Variants in P2RX5 observed in about 807,000 individuals in gnomAD.
The protein encoded by P2RX5 is P2X purinoceptor 5.
P2RX5 carries 46 observed loss-of-function variants against 54.1 expected under a neutral mutation model. That is an observed-to-expected ratio of 0.85 (90% confidence interval 0.67 to 1.09). P2RX5 has a LOEUF of 1.09. Among genes scored for constraint, P2RX5 ranks in the 50% least tolerant of loss-of-function variants. The probability of loss-of-function intolerance (pLI) is 0.00; values close to 1 mark genes in which losing one functional copy is unlikely to be tolerated. For synonymous variants in P2RX5, 226 were observed against 226.4 expected, an observed-to-expected ratio of 1.00 and a Z score of 0.02; for missense variants, 566 against 549.8, an observed-to-expected ratio of 1.03 and a Z score of -0.29.
the P2RX5 span, chr17:3,722,362 T>A: frequency 3.4e-5 from 5 of 149,126 alleles, no homozygotes; most frequent in African/African-American, 1.2e-4. Context: ...GCGCCTGTAA[T>A]CCCAGCTACT....
chr17:3,708,558 A>T, the P2RX5 span, among the ~76,000 whole-genome samples: 1 of 152,212 alleles, frequency 6.6e-6, no homozygotes. Flanking sequence ...TAAGCAAACA[A>T]ATTAAGTAAA....
At chr17:3,714,614 ATTAAAGGCAC>A in the P2RX5 span, 1 of 404,526 alleles carries the variant, frequency 2.5e-6, no homozygotes, top group Non-Finnish European at 4.4e-6. Flanking sequence ...GTATTTCCAG[ATTAAAGGCAC>A]TACTGCAAAG....
At chr17:3,689,871 C>CGT (rs1220272152) in intron 6 of P2RX5, among the ~76,000 whole-genome samples, 199 bp downstream of exon 6, 2 of 152,094 alleles carry the variant, frequency 1.3e-5, no homozygotes, top group African/African-American at 4.8e-5. Flanking sequence ...CGCACACACG[C>CGT]GAACACACGC....
chr17:3,679,217 C>T (rs1199346961), intron 11 of P2RX5, among the ~76,000 whole-genome samples: 1 of 152,224 alleles, frequency 6.6e-6, no homozygotes, highest in Non-Finnish European at 1.5e-5. Flanking sequence ...TCAGCTTCCT[C>T]ATTTGTAAAA....
intron 11 of P2RX5, chr17:3,676,153 C>T (rs1259369304): frequency 3.7e-5 from 36 of 985,350 alleles, no homozygotes; most frequent in Non-Finnish European, 4.0e-5. Flanking sequence ...CGGGCAATGG[C>T]GAGGGCTGAG....
At chr17:3,685,483 G>GT (rs2050418669) in intron 9 of P2RX5, 1 of 154,180 alleles carries the variant, frequency 6.5e-6, no homozygotes, top group African/African-American at 2.4e-5. Context: ...CGGGGAGAGG[G>GT]TGGGACGCGG....
the P2RX5 span, among the ~76,000 whole-genome samples, chr17:3,704,872 G>T: frequency 1.3e-5 from 2 of 152,308 alleles, no homozygotes; most frequent in South Asian, 4.2e-4. Flanking sequence ...TGGGTGTGAT[G>T]ATGCGTGCCT....
At chr17:3,714,717 G>C in the P2RX5 span, 1 of 574,014 alleles carries the variant, frequency 1.7e-6, no homozygotes, top group Non-Finnish European at 3.1e-6. Flanking sequence ...ACAATGTATG[G>C]TTAAAAACTA....
chr17:3,723,621 C>T, the P2RX5 span: 1 of 1,453,336 alleles, frequency 6.9e-7, no homozygotes, highest in Non-Finnish European at 9.3e-7. Flanking sequence ...AAAACAGTCT[C>T]CTGGCCTCTC....
chr17:3,711,367 A>ATTTTTTTTTTTTTTTTTTTT, the P2RX5 span, among the ~76,000 whole-genome samples: 1 of 88,150 alleles, frequency 1.1e-5, no homozygotes, highest in Non-Finnish European at 2.1e-5. Context: ...CCCAGCACTC[A>ATTTTTTTTTTTTTTTTTTTT]TTCTTTTTTT....
At chr17:3,710,740 C>T in the P2RX5 span, among the ~76,000 whole-genome samples, 1 of 151,728 alleles carries the variant, frequency 6.6e-6, no homozygotes, top group African/African-American at 2.4e-5. Flanking sequence ...CCAGCCTGGC[C>T]GACATGGTGA....
rs775643007 is a variant in P2RX5 at position 3,689,486 on chromosome 17, A to T, written c.753+6T>A. 1 of 1,613,798 alleles carries T rather than the reference A, an allele frequency of 6.2e-7. No homozygotes were observed. The highest frequency in any genetic ancestry group is 1.7e-5 in the Admixed American group (1 of 60,022). On this transcript the variant is annotated splice_donor_region_variant and intron_variant, in intron 7 of 11. Transcript: ENST00000225328. ...AGGGAGGGCTCCCTGCGTGCACCCC[A>T]CCCACCTCCAGGGCTATATCCTGGA...
chr17:3,718,641 AAAG>A, the P2RX5 span, among the ~76,000 whole-genome samples: 2 of 152,248 alleles, frequency 1.3e-5, no homozygotes, highest in Admixed American at 6.5e-5. Flanking sequence ...TATTGGATTT[AAAG>A]AAAGGAATTT....
chr17:3,712,086 A>T, the P2RX5 span, among the ~76,000 whole-genome samples: 2 of 152,228 alleles, frequency 1.3e-5, no homozygotes, highest in African/African-American at 4.8e-5. Flanking sequence ...GGGCTTTTAT[A>T]TAATATGAAA....
the P2RX5 span, among the ~76,000 whole-genome samples, chr17:3,709,697 G>A: frequency 2.6e-5 from 4 of 151,706 alleles, no homozygotes; most frequent in African/African-American, 2.4e-5. Flanking sequence ...GGTGGATCAC[G>A]AGGTCAGGAG....
At chr17:3,719,284 C>T in the P2RX5 span, among the ~76,000 whole-genome samples, 1 of 140,656 alleles carries the variant, frequency 7.1e-6, no homozygotes, top group African/African-American at 3.1e-5. Context: ...AAATACACTA[C>T]TTAAAAATAA....
upstream of P2RX5, among the ~76,000 whole-genome samples, chr17:3,699,147 G>T (rs1597280556): frequency 6.6e-6 from 1 of 151,088 alleles, no homozygotes; most frequent in South Asian, 2.1e-4. Flanking sequence ...TTTAATCCTA[G>T]CACCTTGGGA....
chr17:3,711,797 C>A, the P2RX5 span, among the ~76,000 whole-genome samples: 3 of 152,304 alleles, frequency 2.0e-5, no homozygotes, highest in Admixed American at 6.5e-5. Context: ...TGGGTTCAAG[C>A]GATTCTCATG....
chr17:3,689,654 G>A lies in P2RX5; in HGVS notation c.615-24C>T, dbSNP rs370528179. ...TTCTGGGTGGAGGCCATGGGCAGCC[G>A]AGAAATGAAGTAAGACTTGATGTTT... On this transcript the variant is annotated intron_variant, in intron 6 of 11. Transcript: ENST00000225328. The A allele has an allele frequency of 1.0e-4, 169 of 1,613,860 alleles. No individual in the cohort carries two copies. In the Admixed American group the frequency reaches 1.3e-3, roughly 13 times the overall value.
Sources: gnomAD v4.1 joint callset for allele counts (sites outside exome capture counted in the v4.1 genomes callset) on GRCh38, gnomAD v4.1.1 for gene constraint, MANE v1.5 for transcripts, NCBI Gene and HGNC (gene_info 2026-07-23, HGNC 2026-07-21) for gene names.